Variants in ST6GALNAC3 observed in about 807,000 individuals in gnomAD.
The protein encoded by ST6GALNAC3 is ST6 N-acetylgalactosaminide alpha-2,6-sialyltransferase 3.
In ST6GALNAC3, 25 loss-of-function variants were observed where a neutral mutation model predicts 32.7. The ratio of observed to expected loss-of-function variants is 0.76; its 90% CI spans 0.56 to 1.07. ST6GALNAC3 has a LOEUF of 1.07. Among genes scored for constraint, ST6GALNAC3 ranks in the 50% least tolerant of loss-of-function variants. ST6GALNAC3 has a pLI of 0.00. For missense variants in ST6GALNAC3, 355 were observed against 382.4 expected, an observed-to-expected ratio of 0.93 and a Z score of 0.60; for synonymous variants, 129 against 133.1, an observed-to-expected ratio of 0.97 and a Z score of 0.21.
chr1:76,297,946 G>C (rs1660502687), intron 1 of ST6GALNAC3, among the ~76,000 whole-genome samples: 1 of 151,838 alleles, frequency 6.6e-6, no homozygotes, highest in African/African-American at 2.4e-5. Context: ...AGTTTCTAGG[G>C]TTGTACAAAA....
chr1:76,533,728 G>A (rs1433044822), intron 3 of ST6GALNAC3, among the ~76,000 whole-genome samples: 1 of 152,060 alleles, frequency 6.6e-6, no homozygotes, highest in Non-Finnish European at 1.5e-5. Flanking sequence ...AAGCTCTACT[G>A]TATCTATCCC....
intron 2 of ST6GALNAC3, among the ~76,000 whole-genome samples, chr1:76,381,397 G>C (rs1651706133): frequency 6.6e-6 from 1 of 152,096 alleles, no homozygotes; most frequent in Non-Finnish European, 1.5e-5. Context: ...AGAAGCCCCT[G>C]ATAAAATCTA....
chr1:76,409,991 T>C (rs1571138401), intron 2 of ST6GALNAC3, among the ~76,000 whole-genome samples: 2 of 152,288 alleles, frequency 1.3e-5, no homozygotes, highest in Non-Finnish European at 2.9e-5. Context: ...CTACTCAACA[T>C]GGTCCACATC....
At chr1:76,564,889 C>T (rs1172643561) in intron 3 of ST6GALNAC3, among the ~76,000 whole-genome samples, 1 of 152,096 alleles carries the variant, frequency 6.6e-6, no homozygotes, top group Non-Finnish European at 1.5e-5. Flanking sequence ...TATTCTGAAA[C>T]TGATCTAATT....
chr1:76,578,039 A>G (rs1646837196), intron 3 of ST6GALNAC3, among the ~76,000 whole-genome samples: 2 of 152,066 alleles, frequency 1.3e-5, no homozygotes, highest in South Asian at 4.1e-4. Flanking sequence ...CTAATTTACT[A>G]TCTAGTTTTT....
chr1:76,216,525 G>A (rs975474000), intron 1 of ST6GALNAC3, among the ~76,000 whole-genome samples: 1 of 152,180 alleles, frequency 6.6e-6, no homozygotes, highest in Non-Finnish European at 1.5e-5. Flanking sequence ...CAAACATCCT[G>A]TAAAGAATGC....
At chr1:76,169,988 A>G (rs759342866) in intron 1 of ST6GALNAC3, among the ~76,000 whole-genome samples, 10 of 152,018 alleles carry the variant, frequency 6.6e-5, no homozygotes, top group African/African-American at 2.2e-4. Context: ...TCTACCTTCA[A>G]TCTTTGAGGT....
In ST6GALNAC3 at chr1:76,187,747, G is replaced by A. The variant is rs553557221; in HGVS notation, c.18+112863G>A. ...CCCCACTCCAAACACACACACACAC[G>A]CACACACACACAAACACACACAACC... On this transcript the variant is annotated intron_variant, in intron 1 of 4. Transcript: ENST00000328299. 2.2e-4 allele frequency among the ~76,000 whole-genome samples: 33 copies of A among 151,396 alleles called. No individual in the cohort carries two copies. In the East Asian group the frequency reaches 4.5e-3, roughly 21 times the overall value.
intron 3 of ST6GALNAC3, among the ~76,000 whole-genome samples, chr1:76,471,108 C>T (rs907128115): frequency 5.9e-5 from 9 of 152,016 alleles, no homozygotes; most frequent in Admixed American, 5.2e-4. Context: ...AATATTAACT[C>T]CTTGGTTAAC....
chr1:76,477,862 A>G (rs770634323), intron 3 of ST6GALNAC3, among the ~76,000 whole-genome samples: 26 of 152,128 alleles, frequency 1.7e-4, no homozygotes, highest in Non-Finnish European at 2.6e-4. Context: ...ATTTTACTCC[A>G]TAACTTGCTC....
chr1:76,148,780 C>T lies in ST6GALNAC3; in HGVS notation c.18+73896C>T, dbSNP rs536580178. On this transcript the variant is annotated intron_variant, in intron 1 of 4. Transcript: ENST00000328299. ...AAAAACCCACCCAAATCCCCAGACC[C>T]TTTCTAATACAGCTTTTCCACGTAT... Among the ~76,000 whole-genome samples the T allele has an allele frequency of 1.7e-4, 26 of 152,286 alleles. No homozygotes were observed. The South Asian group carries it at 5.4e-3, about 32-fold the overall frequency.
chr1:76,251,419 C>G (rs933254075), intron 1 of ST6GALNAC3, among the ~76,000 whole-genome samples: 1 of 152,104 alleles, frequency 6.6e-6, no homozygotes, highest in Non-Finnish European at 1.5e-5. Flanking sequence ...AGAATAAGGT[C>G]GAAATCTTTG....
In ST6GALNAC3 at chr1:76,163,077, G is replaced by C. The variant is rs568700887; in HGVS notation, c.18+88193G>C. Among the ~76,000 whole-genome samples, 3 of 152,348 alleles carry C rather than the reference G, an allele frequency of 2.0e-5. No individual in the cohort carries two copies. The South Asian group carries it at 6.2e-4, about 32-fold the overall frequency. On this transcript the variant is annotated intron_variant, in intron 1 of 4. Transcript: ENST00000328299. Reference sequence around the variant, plus strand: ...CCCTCTCAGGGTGCTGAATCCTAAAGCAGCTTGAGTGCCTACCTTAAGTCT... The same window carrying C: ...CCCTCTCAGGGTGCTGAATCCTAAACCAGCTTGAGTGCCTACCTTAAGTCT...
At chr1:76,122,673 T>C (rs1433607673) in intron 1 of ST6GALNAC3, among the ~76,000 whole-genome samples, 1 of 152,160 alleles carries the variant, frequency 6.6e-6, no homozygotes, top group East Asian at 1.9e-4. Context: ...GCACAGCTTT[T>C]TGGGTAAGTT....
intron 3 of ST6GALNAC3, among the ~76,000 whole-genome samples, chr1:76,624,596 C>T (rs1448268215): frequency 2.0e-5 from 3 of 151,822 alleles, no homozygotes; most frequent in Non-Finnish European, 2.9e-5. Context: ...ATTAGCACCT[C>T]TGTGAAGGGA....
chr1:76,265,561 T>C (rs1658481969), intron 1 of ST6GALNAC3, among the ~76,000 whole-genome samples: 2 of 152,136 alleles, frequency 1.3e-5, no homozygotes, highest in African/African-American at 4.8e-5. Flanking sequence ...AGCTCTTTAT[T>C]ACAAACATGC....
At chr1:76,476,719 T>C (rs1272321774) in intron 3 of ST6GALNAC3, among the ~76,000 whole-genome samples, 1 of 152,182 alleles carries the variant, frequency 6.6e-6, no homozygotes, top group Non-Finnish European at 1.5e-5. Context: ...CAGGGCTTTA[T>C]GGCATCAGGC....
At chr1:76,396,460 G>A (rs1426469808) in intron 2 of ST6GALNAC3, among the ~76,000 whole-genome samples, 1 of 152,152 alleles carries the variant, frequency 6.6e-6, no homozygotes, top group Non-Finnish European at 1.5e-5. Context: ...GGGAGACGCT[G>A]TCTCAAGGAA....
chr1:76,548,136 T>A (rs1664409387), intron 3 of ST6GALNAC3, among the ~76,000 whole-genome samples: 1 of 152,174 alleles, frequency 6.6e-6, no homozygotes, highest in Admixed American at 6.5e-5. Context: ...TGAAACATAC[T>A]GCTCCTCCCT....
Sources: gnomAD v4.1 joint callset for allele counts (sites outside exome capture counted in the v4.1 genomes callset) on GRCh38, gnomAD v4.1.1 for gene constraint, MANE v1.5 for transcripts, NCBI Gene and HGNC (gene_info 2026-07-23, HGNC 2026-07-21) for gene names.